Variants in RPE65 observed in about 807,000 individuals in gnomAD.
The protein encoded by RPE65 is retinoid isomerohydrolase RPE65.
RPE65 carries 58 observed loss-of-function variants against 68.5 expected under a neutral mutation model. The ratio of observed to expected loss-of-function variants is 0.85; its 90% CI spans 0.69 to 1.05. The LOEUF (loss-of-function observed/expected upper bound fraction) is 1.05. Among genes scored for constraint, RPE65 ranks in the 50% least tolerant of loss-of-function variants. RPE65 has a pLI of 0.00. For missense variants in RPE65, 643 were observed against 629.9 expected (o/e 1.02, Z -0.22); for synonymous variants, 220 against 222.2 (o/e 0.99, Z 0.09).
At chr1:68,445,674 C>T (rs150353909) in intron 3 of RPE65, among the ~76,000 whole-genome samples, 2,826 of 152,040 alleles carry the variant, frequency 0.019, 90 homozygotes, top group African/African-American at 0.065. Flanking sequence ...CCACCACGCC[C>T]GGCTAATTTT....
At chr1:68,438,864 A>C (rs1440632464) in intron 9 of RPE65, 78 bp downstream of exon 9, 11 of 1,547,112 alleles carry the variant, frequency 7.1e-6, no homozygotes, top group Non-Finnish European at 9.8e-6. Context: ...ATTCAGATTG[A>C]GTGCAGCAGC....
intron 7 of RPE65, 40 bp from the exon 8 acceptor site, chr1:68,439,363 G>C: frequency 6.2e-7 from 1 of 1,610,550 alleles, no homozygotes. Flanking sequence ...TGAAAGGGCT[G>C]ATTCTCAAGC....
chr1:68,447,669 G>A (rs1336771257), intron 2 of RPE65, among the ~76,000 whole-genome samples: 4 of 152,206 alleles, frequency 2.6e-5, no homozygotes, highest in East Asian at 1.9e-4. Context: ...AGACCACGGC[G>A]AAACCCCGTC....
At chr1:68,444,023 T>C (rs571595591) in intron 5 of RPE65, among the ~76,000 whole-genome samples, 2 of 152,306 alleles carry the variant, frequency 1.3e-5, no homozygotes, top group South Asian at 4.1e-4. Context: ...TCAGTAGCTA[T>C]AATTTTTTGA....
chr1:68,449,462 A>G (rs1645966932), intron 1 of RPE65, among the ~76,000 whole-genome samples: 1 of 152,196 alleles, frequency 6.6e-6, no homozygotes, highest in Non-Finnish European at 1.5e-5. Context: ...AACAATTACT[A>G]TGTCCTACAT....
At chr1:68,448,451 T>TA (rs1325290586) in intron 2 of RPE65, among the ~76,000 whole-genome samples, 173 bp downstream of exon 2, 18 of 152,096 alleles carry the variant, frequency 1.2e-4, no homozygotes, top group Admixed American at 1.1e-3. Context: ...ATTAGAGAAA[T>TA]AAAGTAAAGG....
At chr1:68,445,013 G>T in intron 3 of RPE65, 130 bp from the exon 4 acceptor site, 1 of 805,540 alleles carries the variant, frequency 1.2e-6, no homozygotes, top group South Asian at 1.4e-5. Flanking sequence ...GAAGAATAAA[G>T]GGTTTTATTA....
At position 68,446,833 on chromosome 1, in the gene RPE65, C is replaced by G. The variant is rs756508097; in HGVS notation, c.122G>C (p.Ser41Thr). The change falls in exon 3 of 14, where the codon AGT becomes ACT. Residue 41 changes from serine to threonine, a missense_variant. Ser to Thr is a moderately conservative substitution (Grantham distance 58, BLOSUM62 1). Coordinates refer to ENST00000262340, the MANE Select transcript of RPE65 (RefSeq NM_000329.3). ...TGRIPLWLTGSLLRCGPGLFE... is the reference protein window; with the variant it reads ...TGRIPLWLTGTLLRCGPGLFE... ...GAGTCCTGGCCCACATCGAAGGAGA[C>G]TGCCGGTGAGCCAGAGGGGGATCCT... 47 of 1,613,734 alleles carry G rather than the reference C, an allele frequency of 2.9e-5. No individual in the cohort carries two copies. Among genetic ancestry groups the G allele is most frequent in the Non-Finnish European group, 3.7e-5 (44 of 1,180,042 alleles).
At position 68,439,257 on chromosome 1, in the gene RPE65, G is replaced by T. The variant is rs1199103073; in HGVS notation, c.792C>A (p.Phe264Leu). 6.2e-7 allele frequency: 1 copy of T among 1,613,948 alleles called. No individual in the cohort carries two copies. The highest frequency in any genetic ancestry group is 8.5e-7 in the Non-Finnish European group (1 of 1,179,956). ...CTCCCCAAAGACTCCATGAAGAAAG[G>T]AACTTGAACAGGTTAATTTTGACTG... ...ETPVKINLFK[F>L]LSSWSLWGAN... Residue 264 changes from phenylalanine (F) to leucine (L), a missense_variant, in exon 8 of 14, where the codon TTC becomes TTA. By Grantham distance (22) the Phe-to-Leu change is conservative. Transcript: ENST00000262340.
intron 5 of RPE65, among the ~76,000 whole-genome samples, chr1:68,443,563 T>G (rs1431388114): frequency 1.3e-5 from 2 of 152,170 alleles, no homozygotes; most frequent in East Asian, 3.8e-4. Flanking sequence ...AAATCATCCC[T>G]CTCTTTTAAC....
intron 13 of RPE65, 45 bp downstream of exon 13, chr1:68,431,020 A>C: frequency 6.8e-7 from 1 of 1,462,590 alleles, no homozygotes. Flanking sequence ...AACATACAGA[A>C]CTGCAGTAAG....
Position 68,438,932 on chromosome 1 carries a change from C to G in RPE65, c.998+10G>C. The G allele has an allele frequency of 6.2e-7, 1 of 1,613,924 alleles. No individual in the cohort carries two copies. Among genetic ancestry groups the G allele is most frequent in the Non-Finnish European group, 8.5e-7 (1 of 1,179,916 alleles). On this transcript the variant is annotated intron_variant, in intron 9 of 13. Coordinates refer to ENST00000262340, the MANE Select transcript of RPE65 (RefSeq NM_000329.3). ...GGGAGGTGTCCCATTTGTCCAGTGT[C>G]CTTTCTTACCCTTTCCAGCAGCAGA... is the stretch of plus-strand genomic sequence containing the variant.
At chr1:68,448,535 G>A (rs139436418) in intron 2 of RPE65, 89 bp downstream of exon 2, 12 of 1,186,488 alleles carry the variant, frequency 1.0e-5, no homozygotes, top group Non-Finnish European at 1.4e-5. Flanking sequence ...CCCACAGGGG[G>A]AGTCTGCACT....
At chr1:68,447,002 G>T in intron 2 of RPE65, 142 bp from the exon 3 acceptor site, 1 of 1,071,910 alleles carries the variant, frequency 9.3e-7, no homozygotes, top group Non-Finnish European at 1.4e-6. Context: ...TCCAGCCCTC[G>T]CGCTGGACAG....
At position 68,431,135 on chromosome 1, in the gene RPE65, C is replaced by A. The variant is rs1645823028; in HGVS notation, c.1380G>T (p.Trp460Cys). The A allele has an allele frequency of 1.2e-6, 2 of 1,613,760 alleles. No homozygotes were observed. The highest frequency in any genetic ancestry group is 1.7e-6 in the Non-Finnish European group (2 of 1,179,802). Residue 460 changes from tryptophan (W) to cysteine (C), a missense_variant, in exon 13 of 14, where the codon TGG becomes TGT. Trp to Cys is a radical substitution (Grantham distance 215, BLOSUM62 -2). Coordinates refer to ENST00000262340, the MANE Select transcript of RPE65 (RefSeq NM_000329.3). ...CTGATGGGTATGAATCAGGCTCTTG[C>A]CAAACCCAAGTTTCTTTAGTTTTGA... ...LNVKTKETWV[W>C]QEPDSYPSEP...
intron 3 of RPE65, among the ~76,000 whole-genome samples, 176 bp downstream of exon 3, chr1:68,446,534 T>G (rs1400344361): frequency 1.3e-5 from 2 of 152,164 alleles, no homozygotes; most frequent in African/African-American, 4.8e-5. Flanking sequence ...AGCTTCTCCT[T>G]TATTCCATGA....
chr1:68,449,855 C>G, intron 1 of RPE65, 40 bp downstream of exon 1: 1 of 1,607,052 alleles, frequency 6.2e-7, no homozygotes, highest in Non-Finnish European at 8.5e-7. Flanking sequence ...TATCATGAAT[C>G]CATGAAGGTG....
At chr1:68,444,499 A>G in intron 5 of RPE65, 32 bp downstream of exon 5, 1 of 1,613,608 alleles carries the variant, frequency 6.2e-7, no homozygotes, top group Non-Finnish European at 8.5e-7. Flanking sequence ...CAAATTCTAA[A>G]TTCCTGAACA....
chr1:68,449,716 G>A (rs1006618183), intron 1 of RPE65, among the ~76,000 whole-genome samples, 179 bp downstream of exon 1: 1 of 152,098 alleles, frequency 6.6e-6, no homozygotes, highest in African/African-American at 2.4e-5. Flanking sequence ...CCCATAATTT[G>A]GACCTGAATT....
Sources: gnomAD v4.1 joint callset for allele counts (sites outside exome capture counted in the v4.1 genomes callset) on GRCh38, gnomAD v4.1.1 for gene constraint, MANE v1.5 for transcripts, NCBI Gene and HGNC (gene_info 2026-07-23, HGNC 2026-07-21) for gene names.